The following AHCYL2 variants were observed in gnomAD, a reference collection of about 807,000 sequenced individuals.
The protein encoded by AHCYL2 is adenosylhomocysteinase like 2.
A neutral mutation model predicts 81.4 loss-of-function variants in AHCYL2; 28 were observed. The observed-to-expected ratio is 0.34, with a 90% CI of 0.25 to 0.47. The LOEUF is 0.47. Ranked by LOEUF, AHCYL2 falls within the 20% of genes least tolerant of loss-of-function variation. AHCYL2 has a pLI of 1.00. For missense variants in AHCYL2, 551 were observed against 785.1 expected (o/e 0.70, Z 3.56); for synonymous variants, 272 against 290.2 (o/e 0.94, Z 0.64).
intron 1 of AHCYL2, among the ~76,000 whole-genome samples, chr7:129,345,794 G>A (rs990072793): frequency 3.9e-5 from 6 of 152,166 alleles, no homozygotes; most frequent in East Asian, 3.9e-4. Context: ...GGTAGGATAG[G>A]ATGAAGTGAT....
chr7:129,328,270 C>T (rs763377249), intron 1 of AHCYL2, among the ~76,000 whole-genome samples: 14 of 152,076 alleles, frequency 9.2e-5, no homozygotes, highest in Admixed American at 3.3e-4. Context: ...CTCTGCCTCT[C>T]GGGTTCAAGT....
At chr7:129,246,968 G>A (rs1795084453) in intron 1 of AHCYL2, among the ~76,000 whole-genome samples, 1 of 152,156 alleles carries the variant, frequency 6.6e-6, no homozygotes, top group Admixed American at 6.5e-5. Context: ...CAGTTTAGTA[G>A]TTGATGGACA....
intron 1 of AHCYL2, among the ~76,000 whole-genome samples, chr7:129,331,289 C>T (rs7800983): frequency 0.51 from 77,486 of 151,866 alleles, 22,363 homozygotes; most frequent in East Asian, 0.65. Context: ...TCTCTTTTGA[C>T]GTAGAGTTCT....
chr7:129,413,563 C>A (rs1563245500), intron 11 of AHCYL2, 31 bp from the exon 12 acceptor site: 11 of 1,532,248 alleles, frequency 7.2e-6, no homozygotes, highest in Non-Finnish European at 9.9e-6. Context: ...TCTTTCTCCA[C>A]TGCTGCTCAG....
At chr7:129,237,352 T>C (rs1794675826) in intron 1 of AHCYL2, among the ~76,000 whole-genome samples, 1 of 152,160 alleles carries the variant, frequency 6.6e-6, no homozygotes, top group South Asian at 2.1e-4. Context: ...TTTACCTTTT[T>C]CTGGTTTGTT....
At chr7:129,274,318 A>G (rs1009755082) in intron 1 of AHCYL2, among the ~76,000 whole-genome samples, 1 of 152,328 alleles carries the variant, frequency 6.6e-6, no homozygotes, top group East Asian at 1.9e-4. Context: ...TACCTGAGGA[A>G]CTGCATCTGA....
chr7:129,387,553 A>G (rs892404030), intron 2 of AHCYL2, among the ~76,000 whole-genome samples: 6 of 152,364 alleles, frequency 3.9e-5, no homozygotes, highest in African/African-American at 1.4e-4. Flanking sequence ...TTTCTTCAAA[A>G]GTAATTTTCC....
At chr7:129,240,026 C>A (rs947039492) in intron 1 of AHCYL2, among the ~76,000 whole-genome samples, 2 of 151,984 alleles carry the variant, frequency 1.3e-5, no homozygotes. Context: ...GAGTTCGAGA[C>A]CAGCTTGACC....
Position 129,414,849 on chromosome 7 carries a change from T to C in AHCYL2, c.1461+1161T>C, listed in dbSNP as rs138492692. Among the ~76,000 whole-genome samples the C allele has an allele frequency of 2.0e-5, 3 of 152,376 alleles. No individual in the cohort carries two copies. The East Asian group carries it at 5.8e-4, about 29-fold the overall frequency. Reference sequence around the variant, plus strand: ...CTGGGTAACTGGCTTAAGCAAAGTATGCTTTCATCTCCACTGAGGGCTGCT... The same window carrying C: ...CTGGGTAACTGGCTTAAGCAAAGTACGCTTTCATCTCCACTGAGGGCTGCT... On this transcript the variant is annotated intron_variant, in intron 12 of 16. Coordinates refer to ENST00000325006, the MANE Select transcript of AHCYL2 (RefSeq NM_015328.4).
intron 1 of AHCYL2, among the ~76,000 whole-genome samples, chr7:129,249,565 A>G (rs1296371652): frequency 1.3e-5 from 2 of 151,880 alleles, no homozygotes; most frequent in Admixed American, 6.6e-5. Context: ...AGCTGGGACT[A>G]CAGGCGCCCG....
rs1039228421 is a variant in AHCYL2, at chr7:129,419,646, A to G, written c.1462-3194A>G. Among the ~76,000 whole-genome samples the G allele has an allele frequency of 6.6e-6, 1 of 152,104 alleles. No individual in the cohort carries two copies. Among genetic ancestry groups the G allele is most frequent in the Non-Finnish European group, 1.5e-5 (1 of 68,016 alleles). On this transcript the variant is annotated intron_variant, in intron 12 of 16. Transcript: ENST00000325006. This position sits in a 1 kb window ranked among gnomAD's most constrained non-coding sequence, Gnocchi z 4.7. ...TTCAGGTGGTCAAACCAGTAAGTACATAGGCTTTAAACATTTTTTCCAGCC... is the reference window on the plus strand; with the variant it reads ...TTCAGGTGGTCAAACCAGTAAGTACGTAGGCTTTAAACATTTTTTCCAGCC...
chr7:129,366,717 G>A (rs914438439), intron 1 of AHCYL2, among the ~76,000 whole-genome samples: 2 of 151,664 alleles, frequency 1.3e-5, no homozygotes, highest in Admixed American at 6.6e-5. Context: ...CAGAGGTTGC[G>A]GTGAGCCGAG....
chr7:129,423,516 C>A (rs1797214659), intron 13 of AHCYL2, among the ~76,000 whole-genome samples: 2 of 152,138 alleles, frequency 1.3e-5, no homozygotes, highest in Non-Finnish European at 2.9e-5. Context: ...CAGTGTTTGA[C>A]CACTTTTCCT....
intron 1 of AHCYL2, among the ~76,000 whole-genome samples, chr7:129,334,181 G>A (rs1798515116): frequency 6.6e-6 from 1 of 152,128 alleles, no homozygotes; most frequent in Admixed American, 6.5e-5. Flanking sequence ...TTTGAGGCCA[G>A]GCTACAGAAG....
chr7:129,350,638 G>C (rs1447139265), intron 1 of AHCYL2, among the ~76,000 whole-genome samples: 1 of 151,540 alleles, frequency 6.6e-6, no homozygotes, highest in African/African-American at 2.4e-5. Context: ...TCCTGCCTCG[G>C]CCTTCCAAAG....
chr7:129,280,375 G>C (rs1270091813), intron 1 of AHCYL2, among the ~76,000 whole-genome samples: 1 of 151,898 alleles, frequency 6.6e-6, no homozygotes, highest in Non-Finnish European at 1.5e-5. Context: ...CGCCGTGTTG[G>C]CCAGGCTGGT....
At chr7:129,400,238 G>T (rs866617749) in intron 5 of AHCYL2, 52 bp from the exon 6 acceptor site, 5 of 1,514,578 alleles carry the variant, frequency 3.3e-6, no homozygotes, top group South Asian at 1.1e-5. Flanking sequence ...AAAATTAGGG[G>T]GTCAGCCTTT....
intron 1 of AHCYL2, among the ~76,000 whole-genome samples, chr7:129,250,172 A>G (rs769414122): frequency 2.0e-5 from 3 of 152,172 alleles, no homozygotes; most frequent in Non-Finnish European, 4.4e-5. Flanking sequence ...GGTGGTGTGC[A>G]ATTGTAGTCC....
intron 1 of AHCYL2, among the ~76,000 whole-genome samples, chr7:129,346,933 A>C (rs1793381550): frequency 1.3e-5 from 2 of 152,228 alleles, no homozygotes; most frequent in African/African-American, 4.8e-5. Context: ...GTACATCCAG[A>C]CAATGGAATA....
Sources: gnomAD v4.1 joint callset for allele counts (sites outside exome capture counted in the v4.1 genomes callset) on GRCh38, gnomAD v4.1.1 for gene constraint, Gnocchi (gnomAD v3.1) non-coding constraint, MANE v1.5 for transcripts, NCBI Gene and HGNC (gene_info 2026-07-23, HGNC 2026-07-21) for gene names.